The following CSN1S1 variants were observed in gnomAD, a reference collection of about 807,000 sequenced individuals.
CSN1S1 encodes alpha-S1-casein.
A neutral mutation model predicts 49.1 loss-of-function variants in CSN1S1; 63 were observed. The observed-to-expected ratio is 1.28, with a 90% CI of 1.05 to 1.58. CSN1S1 has a LOEUF of 1.58. Ranked by LOEUF, CSN1S1 falls within the 40% of genes most tolerant of loss-of-function variation. The probability of loss-of-function intolerance (pLI) is 0.00; values close to 1 mark genes in which losing one functional copy is unlikely to be tolerated. For missense variants in CSN1S1, 260 were observed against 224.7 expected (o/e 1.16, Z -1.01); for synonymous variants, 78 against 67.1 (o/e 1.16, Z -0.79).
intron 13 of CSN1S1, 144 bp downstream of exon 13, chr4:69,942,207 C>T (rs1258005656): frequency 3.6e-6 from 2 of 560,164 alleles, no homozygotes; most frequent in Non-Finnish European, 6.1e-6. Flanking sequence ...TTAAAAGTCA[C>T]AAAAGACAAA....
chr4:69,934,099 A>G, intron 2 of CSN1S1, 113 bp from the exon 3 acceptor site: 3 of 689,032 alleles, frequency 4.4e-6, no homozygotes, highest in South Asian at 4.5e-5. Context: ...ATTAAAACAC[A>G]TACCTTTTGA....
intron 12 of CSN1S1, among the ~76,000 whole-genome samples, chr4:69,941,789 C>A (rs1249572647): frequency 6.6e-6 from 1 of 151,542 alleles, no homozygotes; most frequent in African/African-American, 2.4e-5. Flanking sequence ...ACATTAGTAC[C>A]CCAATAGAAT....
At chr4:69,933,357 A>G (rs1417588414) in intron 2 of CSN1S1, among the ~76,000 whole-genome samples, 2 of 152,032 alleles carry the variant, frequency 1.3e-5, no homozygotes, top group African/African-American at 4.8e-5. Flanking sequence ...ATATTTGGAC[A>G]CTGAAATTAT....
chr4:69,936,534 A>G (rs755292667), intron 6 of CSN1S1, 32 bp from the exon 7 acceptor site: 1 of 1,603,644 alleles, frequency 6.2e-7, no homozygotes, highest in Non-Finnish European at 8.5e-7. Context: ...TCATGAAAAC[A>G]TATTTTACAA....
chr4:69,931,979 TC>T (rs1722622047), intron 1 of CSN1S1, among the ~76,000 whole-genome samples: 1 of 151,914 alleles, frequency 6.6e-6, no homozygotes, highest in South Asian at 2.1e-4. Flanking sequence ...ATGGCTAGAT[TC>T]TTTATTTAAA....
chr4:69,940,111 TCACACACACACACACACACACACA>T, intron 11 of CSN1S1, 67 bp downstream of exon 11: 2 of 404,082 alleles, frequency 4.9e-6, no homozygotes, highest in Admixed American at 4.6e-5. Flanking sequence ...GCACTTACTT[TCACACACACACACACACACACACA>T]CACACACACA....
intron 14 of CSN1S1, 137 bp downstream of exon 14, chr4:69,942,714 C>A: frequency 1.5e-6 from 1 of 665,698 alleles, no homozygotes; most frequent in East Asian, 2.8e-5. Flanking sequence ...AATCTCAGTT[C>A]TGACAACTTC....
Position 69,946,306 on chromosome 4 carries a change from T to A in CSN1S1, c.*110T>A. 1 of 386,994 alleles carries A rather than the reference T, an allele frequency of 2.6e-6. No individual in the cohort carries two copies. Among genetic ancestry groups the A allele is most frequent in the Non-Finnish European group, 5.0e-6 (1 of 201,746 alleles). The allele number at this position is 386,994 out of a possible 1,614,324, so 24.0% of individuals were successfully genotyped here. ...AAAATCCCATATTGAAGGAAATTGT[T>A]CTTTTTGAGTTATCTACTTAATAGC... On this transcript the variant is annotated 3_prime_UTR_variant, in exon 16 of 16. Transcript: ENST00000246891.
chr4:69,936,561 TTTA>T lies in CSN1S1; in HGVS notation c.154-4_154-2del, dbSNP rs745804939. The stretch of plus-strand genomic sequence containing the variant: ...ATTTTACAAGGTACACTTTATTGAT[TTTA>T]GCAGAGAAACATTCTGAGAGAAAAA... On this transcript the variant is annotated splice_acceptor_variant and splice_polypyrimidine_tract_variant and intron_variant, in intron 6 of 15. Coordinates refer to ENST00000246891, the MANE Select transcript of CSN1S1 (RefSeq NM_001890.2). LOFTEE classifies it high-confidence loss of function. 2 of 1,605,744 alleles carry T rather than the reference TTTA, an allele frequency of 1.2e-6. No individual in the cohort carries two copies. The highest frequency in any genetic ancestry group is 2.2e-5 in the South Asian group (2 of 89,584).
rs373734099 is a variant in CSN1S1 at position 69,944,874 on chromosome 4, G to T, written c.427G>T (p.Ala143Ser). 9 of 1,612,498 alleles carry T rather than the reference G, an allele frequency of 5.6e-6. No individual in the cohort carries two copies. The African/African-American group carries it at 1.1e-4, about 19-fold the overall frequency. ...QVPFQQLNQL[A>S]AYPYAVWYYP... ...GCCTTTCCAGCAGCTCAACCAACTT[G>T]CTGCCTACCCCTATGCTGTTTGGTA... The change falls in exon 15 of 16, where the codon GCT (alanine) becomes TCT (serine). Residue 143 changes from alanine (A) to serine (S), a missense_variant. Ala to Ser is a moderately conservative substitution (Grantham distance 99). Transcript: ENST00000246891.
At chr4:69,941,165 A>G in intron 12 of CSN1S1, 105 bp downstream of exon 12, 1 of 559,318 alleles carries the variant, frequency 1.8e-6, no homozygotes, top group Non-Finnish European at 3.0e-6. Context: ...ATTTTTCTTA[A>G]GAAATTATTT....
chr4:69,941,398 A>C (rs540354613), intron 12 of CSN1S1, among the ~76,000 whole-genome samples: 28 of 151,922 alleles, frequency 1.8e-4, no homozygotes, highest in African/African-American at 5.8e-4. Context: ...CTGTGAAATC[A>C]CAGATATGTC....
chr4:69,932,673 C>A, intron 2 of CSN1S1, 67 bp downstream of exon 2: 1 of 1,326,832 alleles, frequency 7.5e-7, no homozygotes, highest in Non-Finnish European at 1.1e-6. Context: ...CTTCATCAAA[C>A]ATAGGATACC....
intron 4 of CSN1S1, among the ~76,000 whole-genome samples, chr4:69,935,265 G>A (rs1423443455): frequency 6.6e-6 from 1 of 151,794 alleles, no homozygotes; most frequent in Admixed American, 6.6e-5. Context: ...TTCACTGGGT[G>A]CTGTGGCTCA....
At chr4:69,944,751 C>G (rs1293101824) in intron 14 of CSN1S1, 99 bp from the exon 15 acceptor site, 5 of 1,192,136 alleles carry the variant, frequency 4.2e-6, no homozygotes, top group Non-Finnish European at 6.0e-6. Context: ...ATCATGCTAA[C>G]AGGCATCTTG....
At chr4:69,934,632 T>A in intron 3 of CSN1S1, 58 bp from the exon 4 acceptor site, 1 of 1,498,656 alleles carries the variant, frequency 6.7e-7, no homozygotes, top group Non-Finnish European at 9.3e-7. Context: ...GCACAACTAA[T>A]CCTACATTCT....
intron 10 of CSN1S1, 24 bp from the exon 11 acceptor site, chr4:69,939,997 A>C: frequency 7.5e-7 from 1 of 1,342,264 alleles, no homozygotes; most frequent in East Asian, 2.7e-5. Context: ...AATTAAAACT[A>C]TGCATGTTTT....
rs572182133 is a variant in CSN1S1 at position 69,931,133 on chromosome 4, A to G, written c.-13+16A>G. 1 of 152,186 alleles carries G rather than the reference A, an allele frequency of 6.6e-6. No individual in the cohort carries two copies. Among genetic ancestry groups the G allele is most frequent in the East Asian group, 1.9e-4 (1 of 5,188 alleles). 9.4% of individuals were successfully genotyped at this position (152,186 alleles called of 1,614,324 possible). A position where few individuals can be genotyped will look rare whatever the true frequency, so the allele number is the denominator to read the frequency against. ...TGGGCTTAAGGTACTGCGTTTACAT[A>G]CAGCAAAATTGCTATCATTTTACAT... is the stretch of plus-strand genomic sequence containing the variant. On this transcript the variant is annotated intron_variant, in intron 1 of 15. Coordinates refer to ENST00000246891, the MANE Select transcript of CSN1S1 (RefSeq NM_001890.2).
chr4:69,934,095 A>G (rs1441840444), intron 2 of CSN1S1, 117 bp from the exon 3 acceptor site: 1 of 662,040 alleles, frequency 1.5e-6, no homozygotes, highest in African/African-American at 1.9e-5. Flanking sequence ...TGCTATTAAA[A>G]CACATACCTT....
Sources: gnomAD v4.1 joint callset for allele counts (sites outside exome capture counted in the v4.1 genomes callset) on GRCh38, gnomAD v4.1.1 for gene constraint, MANE v1.5 for transcripts, NCBI Gene and HGNC (gene_info 2026-07-23, HGNC 2026-07-21) for gene names.